PPIL6: variants seen among roughly 807,000 people sequenced by gnomAD.
PPIL6 encodes probable inactive peptidyl-prolyl cis-trans isomerase-like 6.
Under a neutral mutation model 36.8 loss-of-function variants are expected in PPIL6, and 39 were observed. That is an observed-to-expected ratio of 1.06 (90% confidence interval 0.82 to 1.38). The LOEUF is 1.38. PPIL6 is among the 40% of genes most tolerant of loss of function. The pLI is 0.00. For synonymous variants in PPIL6, 123 were observed against 134.1 expected, an observed-to-expected ratio of 0.92 and a Z score of 0.57; for missense variants, 368 against 379.1, an observed-to-expected ratio of 0.97 and a Z score of 0.24.
upstream of PPIL6, chr6:109,440,647 C>T (rs1774804011): frequency 1.7e-6 from 2 of 1,173,252 alleles, no homozygotes; most frequent in East Asian, 7.7e-5. Flanking sequence ...CCGGCAACCG[C>T]GCGGCCCCGC....
At chr6:109,436,079 C>T (rs879011786) in intron 2 of PPIL6, 25 bp downstream of exon 2, 1 of 1,260,404 alleles carries the variant, frequency 7.9e-7, no homozygotes, top group Non-Finnish European at 1.2e-6. Flanking sequence ...TTGTCTATAT[C>T]CCCCACACCC....
intron 2 of PPIL6, among the ~76,000 whole-genome samples, chr6:109,434,240 C>T (rs762907093): frequency 2.2e-4 from 34 of 152,096 alleles, no homozygotes; most frequent in Non-Finnish European, 4.6e-4. Context: ...GTTTGTCACC[C>T]GAGTTGTTGG....
chr6:109,431,201 C>A lies in PPIL6; in HGVS notation c.376G>T (p.Ala126Ser), dbSNP rs763721663. The change falls in exon 3 of 8, where the codon GCA becomes TCA. Residue 126 changes from alanine to serine, a missense_variant. By Grantham distance (99) the Ala-to-Ser change is moderately conservative (BLOSUM62 1). Coordinates refer to ENST00000521072, the MANE Select transcript of PPIL6 (RefSeq NM_173672.5). ...TTAGCGGAAAAATCCTCAGTGAGTG[C>A]GTCATAAAGTGCAGAGGGTTTAATG... ...VDIKPSALYD[A>S]LTEDFSAKFL... is the part of the protein sequence containing the mutation. 2 of 1,612,366 alleles carry A rather than the reference C, an allele frequency of 1.2e-6. No homozygotes were observed. The highest frequency in any genetic ancestry group is 1.7e-5 in the Admixed American group (1 of 59,824).
At chr6:109,432,940 A>G (rs1364460868) in intron 2 of PPIL6, among the ~76,000 whole-genome samples, 2 of 152,164 alleles carry the variant, frequency 1.3e-5, no homozygotes, top group Admixed American at 6.5e-5. Context: ...ACCTGCTTCT[A>G]GGCAGAGAAG....
intron 5 of PPIL6, among the ~76,000 whole-genome samples, chr6:109,421,106 A>G (rs1773521339): frequency 6.6e-6 from 1 of 152,084 alleles, no homozygotes; most frequent in Non-Finnish European, 1.5e-5. Flanking sequence ...TCCCCTGCCA[A>G]CTTACCTACC....
At chr6:109,397,453 TC>T (rs1220375341) in intron 7 of PPIL6, among the ~76,000 whole-genome samples, 1 of 152,190 alleles carries the variant, frequency 6.6e-6, no homozygotes, top group African/African-American at 2.4e-5. Flanking sequence ...GGCCCATGTC[TC>T]ACTGTCACAT....
chr6:109,400,728 A>G (rs1772493388), intron 6 of PPIL6, among the ~76,000 whole-genome samples: 1 of 152,242 alleles, frequency 6.6e-6, no homozygotes, highest in Non-Finnish European at 1.5e-5. Context: ...TTCTCAGCAC[A>G]TTAATTGGCA....
In PPIL6 at chr6:109,431,359, G is replaced by GAAAAAAAAA; in HGVS notation, c.232-15_232-14insTTTTTTTTT. ...ATTTTTGAGTTCCTGTAAGGGAAAA[G>GAAAAAAAAA]GACAAAAAAAAAAAAAAACGTAAGA... is the stretch of plus-strand genomic sequence containing the variant. On this transcript the variant is annotated splice_polypyrimidine_tract_variant and intron_variant, in intron 2 of 7. Coordinates refer to ENST00000521072, the MANE Select transcript of PPIL6 (RefSeq NM_173672.5). 8.2e-7 allele frequency: 1 copy of GAAAAAAAAA among 1,223,830 alleles called. No individual in the cohort carries two copies. Among genetic ancestry groups the GAAAAAAAAA allele is most frequent in the African/African-American group, 2.9e-5 (1 of 33,940 alleles). 75.8% of individuals were successfully genotyped at this position (1,223,830 alleles called of 1,614,324 possible). A position where few individuals can be genotyped will look rare whatever the true frequency, so the allele number is the denominator to read the frequency against.
rs147272402 is a variant in PPIL6 at position 109,400,118 on chromosome 6, G to C, written c.741C>G (p.Asn247Lys). 19 of 1,613,456 alleles carry C rather than the reference G, an allele frequency of 1.2e-5. No homozygotes were observed. Among genetic ancestry groups the C allele is most frequent in the African/African-American group, 2.7e-5 (2 of 74,896 alleles). Residue 247 changes from asparagine to lysine, a missense_variant, in exon 7 of 8, where the codon AAC becomes AAG. Transcript: ENST00000521072. ...HNKRGVLGMA[N>K]KGRHSNGSQF... ...GTGACCCGTTGCTGTGACGGCCTTTGTTGGCCATTCCAAGTACTCCTCTTT... is the reference window on the plus strand; with the variant it reads ...GTGACCCGTTGCTGTGACGGCCTTTCTTGGCCATTCCAAGTACTCCTCTTT...
chr6:109,436,752 C>A (rs1323492890), intron 1 of PPIL6, among the ~76,000 whole-genome samples: 3 of 151,568 alleles, frequency 2.0e-5, no homozygotes, highest in Non-Finnish European at 4.4e-5. Flanking sequence ...CAAAACAAAA[C>A]AAAAAAAACT....
Position 109,431,360 on chromosome 6 carries a change from GAC to G in PPIL6, c.232-17_232-16del. 18 of 878,854 alleles carry G rather than the reference GAC, an allele frequency of 2.0e-5. No individual in the cohort carries two copies. The highest frequency in any genetic ancestry group is 1.5e-4 in the South Asian group (5 of 34,338). The allele number at this position is 878,854 out of a possible 1,614,324, so 54.4% of individuals were successfully genotyped here. On this transcript the variant is annotated splice_polypyrimidine_tract_variant and intron_variant, in intron 2 of 7. Coordinates refer to ENST00000521072, the MANE Select transcript of PPIL6 (RefSeq NM_173672.5). ...TTTTTGAGTTCCTGTAAGGGAAAAGGACAAAAAAAAAAAAAAACGTAAGAAGT... is the reference window on the plus strand; with the variant it reads ...TTTTTGAGTTCCTGTAAGGGAAAAGGAAAAAAAAAAAAAAACGTAAGAAGT...
intron 6 of PPIL6, among the ~76,000 whole-genome samples, chr6:109,408,867 T>C (rs754958531): frequency 6.6e-6 from 1 of 152,236 alleles, no homozygotes; most frequent in Non-Finnish European, 1.5e-5. Flanking sequence ...AAACTCATTT[T>C]ACAAGGCCAG....
At chr6:109,402,782 C>T (rs1041990015) in intron 6 of PPIL6, among the ~76,000 whole-genome samples, 2 of 151,992 alleles carry the variant, frequency 1.3e-5, no homozygotes, top group African/African-American at 4.8e-5. Flanking sequence ...ATCTTAAGAA[C>T]CCGAGGCTAT....
intron 6 of PPIL6, among the ~76,000 whole-genome samples, chr6:109,402,190 T>C (rs925391516): frequency 6.6e-6 from 1 of 152,192 alleles, no homozygotes; most frequent in Non-Finnish European, 1.5e-5. Context: ...TCATAATACC[T>C]ATCAAAGAAA....
chr6:109,406,481 G>A (rs1351131575), intron 6 of PPIL6, among the ~76,000 whole-genome samples: 1 of 152,160 alleles, frequency 6.6e-6, no homozygotes, highest in Admixed American at 6.5e-5. Flanking sequence ...TCTTTCAACA[G>A]AAGCCTCATC....
intron 6 of PPIL6, among the ~76,000 whole-genome samples, chr6:109,403,793 AGT>A (rs1772664415): frequency 6.6e-6 from 1 of 152,212 alleles, no homozygotes; most frequent in Admixed American, 6.5e-5. Flanking sequence ...GCTTAACAAA[AGT>A]GAGTTTTGTG....
chr6:109,395,449 G>T (rs1772256256), intron 7 of PPIL6, among the ~76,000 whole-genome samples: 1 of 151,440 alleles, frequency 6.6e-6, no homozygotes, highest in Non-Finnish European at 1.5e-5. Flanking sequence ...TAGTTCCTTA[G>T]TCACACTAGC....
intron 6 of PPIL6, among the ~76,000 whole-genome samples, chr6:109,400,668 C>T (rs1772491181): frequency 6.6e-6 from 1 of 152,112 alleles, no homozygotes; most frequent in Non-Finnish European, 1.5e-5. Context: ...CATTTCTTCT[C>T]TAGTAGGTGA....
At chr6:109,402,104 T>C (rs1232372399) in intron 6 of PPIL6, among the ~76,000 whole-genome samples, 5 of 152,180 alleles carry the variant, frequency 3.3e-5, no homozygotes, top group African/African-American at 1.2e-4. Flanking sequence ...TCTTTAAAAA[T>C]TGGGAAAGAA....
Sources: allele counts gnomAD v4.1 joint callset (sites outside exome capture counted in the v4.1 genomes callset), GRCh38; gene constraint gnomAD v4.1.1; transcripts MANE v1.5; gene names NCBI Gene and HGNC (gene_info 2026-07-23, HGNC 2026-07-21).